SUDS3: variants seen among roughly 807,000 people sequenced by gnomAD.
SUDS3 encodes the protein sin3 histone deacetylase corepressor complex component SDS3.
A neutral mutation model predicts 53.5 loss-of-function variants in SUDS3; 23 were observed. That is an observed-to-expected ratio of 0.43 (90% CI 0.31 to 0.61). SUDS3 has a LOEUF of 0.61. Among genes scored for constraint, SUDS3 ranks in the 20% least tolerant of loss-of-function variants. The pLI is 0.10. For synonymous variants in SUDS3, 150 were observed against 148.5 expected, an observed-to-expected ratio of 1.01 and a Z score of -0.08; for missense variants, 291 against 405.9, an observed-to-expected ratio of 0.72 and a Z score of 2.43.
intron 6 of SUDS3, among the ~76,000 whole-genome samples, chr12:118,393,637 G>A (rs1257036706): frequency 6.6e-6 from 1 of 151,858 alleles, no homozygotes; most frequent in Non-Finnish European, 1.5e-5. Context: ...AGTGGAGGCT[G>A]AGATCCTGCA....
chr12:118,393,391 T>C (rs1452931459), intron 6 of SUDS3, among the ~76,000 whole-genome samples: 1 of 152,190 alleles, frequency 6.6e-6, no homozygotes, highest in Non-Finnish European at 1.5e-5. Flanking sequence ...GAAACGGGTG[T>C]ATTTGGCGAC....
At chr12:118,390,618 C>G (rs1322192671) in intron 5 of SUDS3, among the ~76,000 whole-genome samples, 2 of 152,140 alleles carry the variant, frequency 1.3e-5, no homozygotes, top group Non-Finnish European at 2.9e-5. Context: ...CTTAGCCCAC[C>G]ATAGGCCCCT....
rs189926382 is a variant in SUDS3, at chr12:118,396,309, G to A, written c.518-4350G>A. Among the ~76,000 whole-genome samples, 304 of 152,326 alleles carry A rather than the reference G, an allele frequency of 2.0e-3. 1 individual carries two copies. The highest frequency in any genetic ancestry group is 1.7e-3 in the South Asian group (8 of 4,826). Reference sequence around the variant, plus strand: ...CTTGCTCTGCCACCCAGGTTGGAGTGCAGTGGCACGATCTCAGCTCACTGC... The same window carrying A: ...CTTGCTCTGCCACCCAGGTTGGAGTACAGTGGCACGATCTCAGCTCACTGC... On this transcript the variant is annotated intron_variant, in intron 6 of 11. Transcript: ENST00000543473.
chr12:118,411,175 T>C lies in SUDS3; in HGVS notation c.888+18T>C, dbSNP rs1353656226. On this transcript the variant is annotated intron_variant, in intron 11 of 11. Coordinates refer to ENST00000543473, the MANE Select transcript of SUDS3 (RefSeq NM_022491.3). ...CCAATGAGGTGGGAACCACACTCCC[T>C]CACCTTTAGGGAAGCAAAATGTGTA... 2 of 1,575,276 alleles carry C rather than the reference T, an allele frequency of 1.3e-6. No individual in the cohort carries two copies. The highest frequency in any genetic ancestry group is 1.7e-6 in the Non-Finnish European group (2 of 1,159,836).
intron 10 of SUDS3, among the ~76,000 whole-genome samples, chr12:118,407,021 C>T (rs555055840): frequency 1.6e-4 from 25 of 151,870 alleles, no homozygotes; most frequent in Admixed American, 1.3e-3. Flanking sequence ...TTTGGCCTCC[C>T]GAGTAGCTGG....
chr12:118,382,096 A>G (rs1377786561), intron 2 of SUDS3, among the ~76,000 whole-genome samples: 2 of 151,100 alleles, frequency 1.3e-5, no homozygotes, highest in African/African-American at 2.4e-5. Flanking sequence ...CTGGAGTGCA[A>G]TGGCATGATC....
At chr12:118,389,122 C>A (rs947626885) in intron 4 of SUDS3, among the ~76,000 whole-genome samples, 1 of 152,114 alleles carries the variant, frequency 6.6e-6, no homozygotes, top group African/African-American at 2.4e-5. Flanking sequence ...GCACTCCAGT[C>A]TGGGTGACAG....
intron 2 of SUDS3, among the ~76,000 whole-genome samples, chr12:118,382,523 G>A (rs1421455116): frequency 2.6e-5 from 4 of 151,416 alleles, no homozygotes; most frequent in African/African-American, 4.9e-5. Flanking sequence ...GTGCCACCAC[G>A]CCCAGCTGAT....
intron 6 of SUDS3, 103 bp downstream of exon 6, chr12:118,391,385 G>A: frequency 7.3e-7 from 1 of 1,363,100 alleles, no homozygotes; most frequent in Non-Finnish European, 1.0e-6. Context: ...AGAGCAAGGT[G>A]GAGAGTGGGT....
chr12:118,401,970 G>T lies in SUDS3; in HGVS notation c.676-13G>T. ...ATTTTCTCTAAGATTTTTTGTTGTT[G>T]TTCTTCCTACAGCTTAAGTCACCCA... On this transcript the variant is annotated splice_polypyrimidine_tract_variant and intron_variant, in intron 8 of 11. Coordinates refer to ENST00000543473, the MANE Select transcript of SUDS3 (RefSeq NM_022491.3). The T allele has an allele frequency of 1.9e-6, 3 of 1,613,878 alleles. No homozygotes were observed. Among genetic ancestry groups the T allele is most frequent in the East Asian group, 4.5e-5 (2 of 44,872 alleles).
chr12:118,411,988 G>A (rs2046363572), intron 11 of SUDS3, among the ~76,000 whole-genome samples: 1 of 152,142 alleles, frequency 6.6e-6, no homozygotes, highest in Non-Finnish European at 1.5e-5. Flanking sequence ...GTGAGTGCTG[G>A]CCTGAAACGA....
chr12:118,380,291 T>C (rs2046044863), intron 2 of SUDS3, 60 bp downstream of exon 2: 2 of 1,421,508 alleles, frequency 1.4e-6, no homozygotes, highest in Non-Finnish European at 1.9e-6. Context: ...TTTATATAGA[T>C]TGAGCATCCC....
chr12:118,391,422 C>A, intron 6 of SUDS3, 140 bp downstream of exon 6: 1 of 941,470 alleles, frequency 1.1e-6, no homozygotes. Flanking sequence ...AGAGTTCCTC[C>A]TCCACCTTCT....
At chr12:118,396,038 G>T (rs4767671) in intron 6 of SUDS3, among the ~76,000 whole-genome samples, 1 of 151,820 alleles carries the variant, frequency 6.6e-6, no homozygotes, top group Non-Finnish European at 1.5e-5. Context: ...TGTTACCACC[G>T]CAGCATTAAT....
intron 11 of SUDS3, among the ~76,000 whole-genome samples, chr12:118,412,983 A>G (rs1308264509): frequency 6.6e-6 from 1 of 152,180 alleles, no homozygotes; most frequent in Non-Finnish European, 1.5e-5. Flanking sequence ...TGGCTTTAGC[A>G]TAGCTTGACT....
At chr12:118,381,730 G>T (rs2046064433) in intron 2 of SUDS3, among the ~76,000 whole-genome samples, 1 of 151,758 alleles carries the variant, frequency 6.6e-6, no homozygotes, top group South Asian at 2.1e-4. Flanking sequence ...GTTTGCACCT[G>T]CTCTCACCCA....
chr12:118,415,675 A>G lies in SUDS3; in HGVS notation c.*1242A>G, dbSNP rs957443565. 6 of 152,154 alleles carry G rather than the reference A, an allele frequency of 3.9e-5. No homozygotes were observed. The highest frequency in any genetic ancestry group is 1.4e-4 in the African/African-American group (6 of 41,426). The allele number at this position is 152,154 out of a possible 1,614,324, so 9.4% of individuals were successfully genotyped here. A position where few individuals can be genotyped will look rare whatever the true frequency, so the allele number is the denominator to read the frequency against. On this transcript the variant is annotated 3_prime_UTR_variant, in exon 12 of 12. Transcript: ENST00000543473. The stretch of plus-strand genomic sequence containing the variant: ...AGCAACTGTTAGCGTCTCTATGAGC[A>G]ATCAGTAGAACTTACACATCCTAGG...
chr12:118,402,664 G>A (rs763539842), intron 9 of SUDS3: 1 of 152,248 alleles, frequency 6.6e-6, no homozygotes, highest in Non-Finnish European at 1.5e-5. Context: ...ATCTTCCTGG[G>A]GGCCACTGCG....
intron 7 of SUDS3, 50 bp from the exon 8 acceptor site, chr12:118,401,709 C>T (rs758106437): frequency 2.0e-6 from 3 of 1,474,762 alleles, no homozygotes; most frequent in Non-Finnish European, 9.5e-7. Flanking sequence ...GTTGATTACT[C>T]TTTGCCTGGA....
Sources: gnomAD v4.1 joint callset for allele counts (sites outside exome capture counted in the v4.1 genomes callset) on GRCh38, gnomAD v4.1.1 for gene constraint, MANE v1.5 for transcripts, NCBI Gene and HGNC (gene_info 2026-07-23, HGNC 2026-07-21) for gene names.